The following CSPP1 variants were observed in gnomAD, a reference collection of about 807,000 sequenced individuals.
CSPP1 encodes centrosome and spindle pole associated protein 1.
Under a neutral mutation model 164.4 loss-of-function variants are expected in CSPP1, and 126 were observed. That is an observed-to-expected ratio of 0.77 (90% CI 0.66 to 0.89). The LOEUF (loss-of-function observed/expected upper bound fraction) is 0.89, where lower values mean the gene tolerates loss of function less well. Among genes scored for constraint, CSPP1 ranks in the 40% least tolerant of loss-of-function variants. CSPP1 has a pLI of 0.00. For missense variants in CSPP1, 1,395 were observed against 1,449.8 expected (o/e 0.96, Z 0.61); for synonymous variants, 472 against 476.7 (o/e 0.99, Z 0.13).
intron 15 of CSPP1, 78 bp from the exon 16 acceptor site, chr8:67,131,873 C>G (rs1821301844): frequency 7.9e-7 from 1 of 1,270,562 alleles, no homozygotes; most frequent in Non-Finnish European, 1.1e-6. Context: ...ATATGCCATG[C>G]TATTTCAAAA....
chr8:67,190,370 G>A (rs1463831880), intron 28 of CSPP1, among the ~76,000 whole-genome samples: 2 of 152,190 alleles, frequency 1.3e-5, no homozygotes, highest in Non-Finnish European at 2.9e-5. Flanking sequence ...AGGTAAATCT[G>A]TTGAAACAGA....
intron 28 of CSPP1, 93 bp downstream of exon 28, chr8:67,180,019 G>T: frequency 1.6e-6 from 1 of 619,052 alleles, no homozygotes; most frequent in Non-Finnish European, 2.7e-6. Context: ...GTTGTACAAG[G>T]TAGTAAAAAA....
At chr8:67,071,725 G>C (rs1585810069) in intron 1 of CSPP1, among the ~76,000 whole-genome samples, 1 of 151,948 alleles carries the variant, frequency 6.6e-6, no homozygotes, top group South Asian at 2.1e-4. Context: ...CTTCTTTTTT[G>C]TCTACGTACC....
intron 24 of CSPP1, among the ~76,000 whole-genome samples, chr8:67,169,201 G>A (rs944011811): frequency 1.3e-5 from 2 of 152,036 alleles, no homozygotes; most frequent in Non-Finnish European, 2.9e-5. Context: ...TGAAGCAGCA[G>A]TAGGTATTTT....
intron 1 of CSPP1, among the ~76,000 whole-genome samples, chr8:67,065,830 AGTT>A (rs1414885727): frequency 6.6e-6 from 1 of 152,128 alleles, no homozygotes; most frequent in Non-Finnish European, 1.5e-5. Flanking sequence ...TGCCCGTTCA[AGTT>A]TGGGTCTTCT....
chr8:67,178,379 C>G (rs908808579), intron 27 of CSPP1, among the ~76,000 whole-genome samples: 1 of 152,166 alleles, frequency 6.6e-6, no homozygotes, highest in Non-Finnish European at 1.5e-5. Flanking sequence ...TCTTTTCAAT[C>G]AACAAATATT....
intron 26 of CSPP1, among the ~76,000 whole-genome samples, chr8:67,176,477 T>A (rs1291662467): frequency 1.3e-5 from 2 of 152,136 alleles, no homozygotes; most frequent in Non-Finnish European, 2.9e-5. Context: ...ACAGAATTTT[T>A]AATAACAGCC....
rs566786304 is a variant in CSPP1 at position 67,076,496 on chromosome 8, G to A, written c.114G>A (p.Ala38=). 7.4e-5 allele frequency: 117 copies of A among 1,582,586 alleles called. No homozygotes were observed. The South Asian group carries it at 1.3e-3, about 17-fold the overall frequency. The change falls in exon 3 of 31, where the codon GCG becomes GCA. Residue 38 remains alanine (A), a synonymous_variant. Coordinates refer to ENST00000678616, the MANE Select transcript of CSPP1 (RefSeq NM_001382391.1). ...PYMEMKGKLS[A]KLSENSKILI... is the part of the protein sequence containing the mutation. Reference sequence around the variant, plus strand: ...GTCTCTTTCAGGGAAAGTTGTCAGCGAAGCTTTCTGAAAACAGTAAGATAC... The same window carrying A: ...GTCTCTTTCAGGGAAAGTTGTCAGCAAAGCTTTCTGAAAACAGTAAGATAC...
At chr8:67,151,362 A>T (rs1459969628) in intron 18 of CSPP1, among the ~76,000 whole-genome samples, 1 of 152,026 alleles carries the variant, frequency 6.6e-6, no homozygotes, top group Non-Finnish European at 1.5e-5. Context: ...CTGCTAAGAG[A>T]ATTTTGACTT....
At chr8:67,123,879 C>T (rs1421371853) in intron 15 of CSPP1, among the ~76,000 whole-genome samples, 10 of 151,036 alleles carry the variant, frequency 6.6e-5, no homozygotes, top group Middle Eastern at 3.2e-3. Flanking sequence ...GCTGGGATTA[C>T]GGGCATGAGC....
Position 67,188,830 on chromosome 8 carries a change from C to T in CSPP1, c.3221-1820C>T, listed in dbSNP as rs150149245. On this transcript the variant is annotated intron_variant, in intron 28 of 30. Transcript: ENST00000678616. The stretch of plus-strand genomic sequence containing the variant: ...GCTAAGTGCCCGGGTTTGTCCTAAT[C>T]GAGCTGAACACTAGTCACTGGGTTC... 6.7e-3 allele frequency among the ~76,000 whole-genome samples: 1,017 copies of T among 152,278 alleles called. 10 individuals carry two copies. The highest frequency in any genetic ancestry group is 0.024 in the African/African-American group (978 of 41,542).
At chr8:67,132,595 C>T (rs548370993) in intron 16 of CSPP1, among the ~76,000 whole-genome samples, 1 of 152,088 alleles carries the variant, frequency 6.6e-6, no homozygotes, top group Non-Finnish European at 1.5e-5. Context: ...AGTAGATAGT[C>T]CAGTAAGGAG....
At chr8:67,137,683 G>A (rs551186036) in intron 17 of CSPP1, 80 bp downstream of exon 17, 8 of 934,300 alleles carry the variant, frequency 8.6e-6, no homozygotes, top group Non-Finnish European at 1.2e-5. Flanking sequence ...GTAGAAAAAA[G>A]TAGGAATCAT....
chr8:67,193,505 A>C lies in CSPP1; in HGVS notation c.3372A>C (p.Leu1124=). The C allele has an allele frequency of 6.2e-7, 1 of 1,613,346 alleles. No individual in the cohort carries two copies. The highest frequency in any genetic ancestry group is 8.5e-7 in the Non-Finnish European group (1 of 1,179,232). ...ATGTAGCACCAGATGGTCTCTCTCT[A>C]AAATCTATATCCAGTGTAAATGTTG... is the stretch of plus-strand genomic sequence containing the variant. The part of the protein sequence containing the change: ...RPNVAPDGLS[L]KSISSVNVDE... The change falls in exon 30 of 31, where the codon CTA becomes CTC. Residue 1124 remains leucine, a synonymous_variant. Transcript: ENST00000678616.
In CSPP1 at chr8:67,091,846, G is replaced by A. The variant is rs1353746686; in HGVS notation, c.347G>A (p.Gly116Glu). 7.4e-7 allele frequency: 1 copy of A among 1,350,934 alleles called. No homozygotes were observed. Among genetic ancestry groups the A allele is most frequent in the Non-Finnish European group, 9.9e-7 (1 of 1,013,014 alleles). The allele number at this position is 1,350,934 out of a possible 1,614,324, so 83.7% of individuals were successfully genotyped here. ...AGTGAAACAGATCCATCTACTTTGG[G>A]AGTTTCTCTTCCTATTGGTGAGAGG... Reference protein sequence around the residue: ...STSETDPSTLGVSLPIGERLS... With the variant: ...STSETDPSTLEVSLPIGERLS... The change falls in exon 5 of 31, where the codon GGA (glycine) becomes GAA (glutamate). Residue 116 changes from glycine (G) to glutamate (E), a missense_variant. Coordinates refer to ENST00000678616, the MANE Select transcript of CSPP1 (RefSeq NM_001382391.1).
chr8:67,135,682 GT>G (rs1822111993), intron 16 of CSPP1: 1 of 152,224 alleles, frequency 6.6e-6, no homozygotes, highest in Non-Finnish European at 1.5e-5. Flanking sequence ...CAATAAGGCT[GT>G]TTCACTTTCT....
intron 5 of CSPP1, 76 bp from the exon 6 acceptor site, chr8:67,093,467 C>T (rs1812045522): frequency 2.4e-6 from 2 of 820,334 alleles, no homozygotes; most frequent in Non-Finnish European, 2.0e-6. Flanking sequence ...TCAGATTTGA[C>T]ATTCTGATAG....
At chr8:67,167,706 G>A (rs1185497727) in intron 24 of CSPP1, among the ~76,000 whole-genome samples, 6 of 148,596 alleles carry the variant, frequency 4.0e-5, no homozygotes, top group African/African-American at 4.9e-5. Flanking sequence ...ATGGGGTGGC[G>A]GGGCAGAGGC....
chr8:67,075,157 T>C (rs1377858939), intron 2 of CSPP1, among the ~76,000 whole-genome samples: 2 of 152,238 alleles, frequency 1.3e-5, no homozygotes, highest in Non-Finnish European at 2.9e-5. Context: ...GATTTATCCA[T>C]TTAGCAAATA....
Sources: gnomAD v4.1 joint callset for allele counts (sites outside exome capture counted in the v4.1 genomes callset) on GRCh38, gnomAD v4.1.1 for gene constraint, MANE v1.5 for transcripts, NCBI Gene and HGNC (gene_info 2026-07-23, HGNC 2026-07-21) for gene names.